The following TOP2B variants were observed in gnomAD, a reference collection of about 807,000 sequenced individuals.
TOP2B encodes the protein DNA topoisomerase II beta, also known as DNA topoisomerase 2-beta.
A neutral mutation model predicts 193.5 loss-of-function variants in TOP2B; 51 were observed. That is an observed-to-expected ratio of 0.26 (90% CI 0.21 to 0.33). The LOEUF (loss-of-function observed/expected upper bound fraction) is 0.33, where lower values mean the gene tolerates loss of function less well. TOP2B is among the 10% of genes least tolerant of loss of function. The probability of loss-of-function intolerance (pLI) is 1.00; values close to 1 mark genes in which losing one functional copy is unlikely to be tolerated. For synonymous variants in TOP2B, 634 were observed against 635.7 expected (o/e 1.00, Z 0.04); for missense variants, 1,378 against 1,909.3 (o/e 0.72, Z 5.19).
intron 1 of TOP2B, among the ~76,000 whole-genome samples, chr3:25,649,074 C>A (rs542367712): frequency 1.3e-5 from 2 of 152,144 alleles, no homozygotes; most frequent in Non-Finnish European, 2.9e-5. Flanking sequence ...ATTTCTGGAA[C>A]TGAAGCATAC....
At chr3:25,610,141 C>T (rs187726041) in intron 28 of TOP2B, among the ~76,000 whole-genome samples, 18 of 151,152 alleles carry the variant, frequency 1.2e-4, no homozygotes, top group Non-Finnish European at 2.5e-4. Context: ...GCGGAGATTG[C>T]GGTGAGCCTC....
chr3:25,618,981 A>G, intron 23 of TOP2B, 132 bp from the exon 24 acceptor site: 1 of 586,180 alleles, frequency 1.7e-6, no homozygotes, highest in Non-Finnish European at 2.7e-6. Flanking sequence ...GACTACCCCT[A>G]AAAACCATTA....
At chr3:25,634,427 T>C (rs1264238602) in intron 7 of TOP2B, among the ~76,000 whole-genome samples, 2 of 152,054 alleles carry the variant, frequency 1.3e-5, no homozygotes, top group Non-Finnish European at 2.9e-5. Flanking sequence ...ACAGGAGAGC[T>C]GGCCATCCTG....
Position 25,645,456 on chromosome 3 carries a change from C to A in TOP2B, c.84G>T (p.Gln28His). ...GALTWVTLFD[Q>H]NNAAKKEESE... is the part of the protein sequence containing the mutation. ...ACTCTTCTTTTTTTGCAGCATTGTT[C>A]TGATCAAAAAGAGTCTAAAATTAAC... Residue 28 changes from glutamine to histidine, a missense_variant, in exon 2 of 36, where the codon CAG becomes CAT. By Grantham distance (24) the Gln-to-His change is conservative. Around this residue, in one of 9 missense-constraint regions of TOP2B, gnomAD observed 83 missense variants for 59.3 expected, o/e 1.40. Coordinates refer to ENST00000264331, the MANE Select transcript of TOP2B (RefSeq NM_001330700.2). 6.2e-7 allele frequency: 1 copy of A among 1,606,222 alleles called. No individual in the cohort carries two copies. Among genetic ancestry groups the A allele is most frequent in the Non-Finnish European group, 8.5e-7 (1 of 1,177,510 alleles).
rs367639589 is a variant in TOP2B at position 25,624,919 on chromosome 3, A to G, written c.2225-116T>C. ...AGAACACCAGTAAAATTGTTACTTG[A>G]GATTCTGTAACAAAGTGAGTACATA... On this transcript the variant is annotated intron_variant, in intron 18 of 35. Transcript: ENST00000264331. The G allele has an allele frequency of 2.2e-5, 22 of 1,010,448 alleles. No homozygotes were observed. In the African/African-American group the frequency reaches 2.3e-4, roughly 10 times the overall value. The allele number at this position is 1,010,448 out of a possible 1,614,324, so 62.6% of individuals were successfully genotyped here.
intron 7 of TOP2B, 87 bp downstream of exon 7, chr3:25,635,849 T>A (rs1703091651): frequency 9.4e-7 from 1 of 1,067,902 alleles, no homozygotes; most frequent in East Asian, 2.5e-5. Flanking sequence ...TAAAAGAGAC[T>A]ACCAGATGAG....
chr3:25,641,175 C>G (rs1703252185), intron 4 of TOP2B, among the ~76,000 whole-genome samples: 1 of 152,106 alleles, frequency 6.6e-6, no homozygotes, highest in African/African-American at 2.4e-5. Context: ...AATCTTTGGA[C>G]TAATATGGCC....
chr3:25,626,765 G>C lies in TOP2B; in HGVS notation c.2109+7C>G. The stretch of plus-strand genomic sequence containing the variant: ...CTTTCCCCAGGTCACCACTCTTTAA[G>C]ACTAACCTCTGGTAAGCCATGTAGC... On this transcript the variant is annotated splice_region_variant and intron_variant, in intron 17 of 35. Coordinates refer to ENST00000264331, the MANE Select transcript of TOP2B (RefSeq NM_001330700.2). The C allele has an allele frequency of 6.2e-7, 1 of 1,602,310 alleles. No individual in the cohort carries two copies. The highest frequency in any genetic ancestry group is 8.5e-7 in the Non-Finnish European group (1 of 1,172,526).
At chr3:25,661,235 G>A (rs969116027) in intron 1 of TOP2B, among the ~76,000 whole-genome samples, 1 of 152,150 alleles carries the variant, frequency 6.6e-6, no homozygotes, top group East Asian at 1.9e-4. Context: ...CTGACCTCAG[G>A]TGATCCGCCT....
At chr3:25,635,413 T>C (rs556998450) in intron 7 of TOP2B, among the ~76,000 whole-genome samples, 1 of 152,308 alleles carries the variant, frequency 6.6e-6, no homozygotes, top group East Asian at 1.9e-4. Flanking sequence ...TTTTGTAACA[T>C]GTATCAGATA....
chr3:25,623,337 C>T (rs993749176), intron 21 of TOP2B, among the ~76,000 whole-genome samples, 178 bp downstream of exon 21: 1 of 152,170 alleles, frequency 6.6e-6, no homozygotes, highest in Non-Finnish European at 1.5e-5. Flanking sequence ...ACCTCCAAAA[C>T]TCATTCCAAA....
intron 28 of TOP2B, among the ~76,000 whole-genome samples, chr3:25,612,206 T>G (rs1187547027): frequency 6.6e-6 from 1 of 152,130 alleles, no homozygotes; most frequent in East Asian, 1.9e-4. Flanking sequence ...CCTCCCAAAG[T>G]GCTGGGATTA....
At chr3:25,614,386 G>A (rs1702453743) in intron 27 of TOP2B, among the ~76,000 whole-genome samples, 2 of 151,738 alleles carry the variant, frequency 1.3e-5, no homozygotes, top group South Asian at 4.1e-4. Flanking sequence ...TAACTCAGCA[G>A]GAAACAATGT....
chr3:25,651,201 T>C (rs979239302), intron 1 of TOP2B, among the ~76,000 whole-genome samples: 1 of 151,886 alleles, frequency 6.6e-6, no homozygotes, highest in African/African-American at 2.4e-5. Flanking sequence ...TTTTAAAGCA[T>C]AAAAAATAAT....
At chr3:25,629,678 CT>C (rs1702903305) in intron 13 of TOP2B, among the ~76,000 whole-genome samples, 1 of 152,102 alleles carries the variant, frequency 6.6e-6, no homozygotes, top group Admixed American at 6.6e-5. Flanking sequence ...CATCATTTTA[CT>C]ATTTAAGTCC....
At position 25,598,281 on chromosome 3, in the gene TOP2B, G is replaced by A. The variant is rs1701975074; in HGVS notation, c.*26C>T. ...AAAAGGACAACACAAGATATTTGTT[G>A]AAAAATGTTTGTGCTCTTTGGGCAC... On this transcript the variant is annotated 3_prime_UTR_variant, in exon 36 of 36. Transcript: ENST00000264331. 1 of 1,579,948 alleles carries A rather than the reference G, an allele frequency of 6.3e-7. No homozygotes were observed. The highest frequency in any genetic ancestry group is 8.6e-7 in the Non-Finnish European group (1 of 1,158,796).
intron 33 of TOP2B, 113 bp downstream of exon 33, chr3:25,604,647 C>A: frequency 1.1e-6 from 1 of 873,766 alleles, no homozygotes; most frequent in Non-Finnish European, 1.8e-6. Context: ...AGCACTTATA[C>A]TTCTTAATTG....
At chr3:25,620,594 A>G (rs1702633247) in intron 22 of TOP2B, 88 bp downstream of exon 22, 5 of 1,429,732 alleles carry the variant, frequency 3.5e-6, no homozygotes, top group Non-Finnish European at 3.8e-6. Context: ...ACGCACGCTT[A>G]GGACCAACAA....
chr3:25,640,948 G>C (rs998546896), intron 4 of TOP2B, among the ~76,000 whole-genome samples: 2 of 151,624 alleles, frequency 1.3e-5, no homozygotes, highest in African/African-American at 4.8e-5. Context: ...TTGTTTGTTT[G>C]TTTGTTTGTT....
Sources: allele counts gnomAD v4.1 joint callset (sites outside exome capture counted in the v4.1 genomes callset), GRCh38; gene constraint gnomAD v4.1.1; regional missense constraint gnomAD v4.1.1; transcripts MANE v1.5; gene names NCBI Gene and HGNC (gene_info 2026-07-23, HGNC 2026-07-21).